ABHD12: variants seen among roughly 807,000 people sequenced by gnomAD.
The protein encoded by ABHD12 is abhydrolase domain containing 12, lysophospholipase.
A neutral mutation model predicts 58.3 loss-of-function variants in ABHD12; 43 were observed. The observed-to-expected ratio is 0.74, with a 90% confidence interval of 0.58 to 0.95. The LOEUF (loss-of-function observed/expected upper bound fraction) is 0.95. Among genes scored for constraint, ABHD12 ranks in the 40% least tolerant of loss-of-function variants. ABHD12 has a pLI of 0.00. For missense variants in ABHD12, 539 were observed against 537.2 expected, an observed-to-expected ratio of 1.00 and a Z score of -0.03; for synonymous variants, 219 against 211.2, an observed-to-expected ratio of 1.04 and a Z score of -0.32.
chr20:25,322,597 G>T (rs1336628517), intron 3 of ABHD12, among the ~76,000 whole-genome samples: 2 of 150,732 alleles, frequency 1.3e-5, no homozygotes, highest in Non-Finnish European at 3.0e-5. Flanking sequence ...GTTGTTTAGG[G>T]TGGTCTCGAA....
Position 25,314,570 on chromosome 20 carries a change from T to C in ABHD12, c.619+355A>G, listed in dbSNP as rs73345030. ...GTCGCATTCCTGCAGTCACAGCTAC[T>C]CGAGAGCCTAAGGCAGAAGGATCCC... On this transcript the variant is annotated intron_variant, in intron 6 of 12. Transcript: ENST00000339157. Among the ~76,000 whole-genome samples the C allele has an allele frequency of 6.6e-3, 994 of 151,534 alleles. 14 individuals are homozygous for C. Among genetic ancestry groups the C allele is most frequent in the African/African-American group, 0.023 (952 of 41,256 alleles).
intron 1 of ABHD12, chr20:25,368,638 T>C: frequency 2.2e-6 from 3 of 1,374,202 alleles, no homozygotes; most frequent in South Asian, 1.2e-5. Flanking sequence ...ACCAAATCCT[T>C]TCTCGCCAGT....
At chr20:25,294,851 G>A (rs1301676721) in exon 13 of ABHD12, 29 of 1,099,798 alleles carry the variant, frequency 2.6e-5, no homozygotes, top group Non-Finnish European at 2.1e-5. Flanking sequence ...GTTCTTCACC[G>A]TTGGCAAAAG....
chr20:25,388,426 A>T (rs114257891), intron 1 of ABHD12, among the ~76,000 whole-genome samples: 1,904 of 152,284 alleles, frequency 0.013, 44 homozygotes, highest in African/African-American at 0.041. Flanking sequence ...ACGAGCAAAA[A>T]TTACAATCTC....
At chr20:25,362,892 C>T (rs3002703) in intron 1 of ABHD12, among the ~76,000 whole-genome samples, 4,113 of 151,964 alleles carry the variant, frequency 0.027, 180 homozygotes, top group African/African-American at 0.09. Flanking sequence ...AGGCTACTCT[C>T]GAAGTCCCAA....
chr20:25,321,039 C>G (rs2089057113), intron 3 of ABHD12, among the ~76,000 whole-genome samples: 1 of 152,300 alleles, frequency 6.6e-6, no homozygotes, highest in South Asian at 2.1e-4. Flanking sequence ...ATACCAGTGA[C>G]AAGAATCTTT....
At chr20:25,328,532 G>A (rs981597189) in intron 2 of ABHD12, among the ~76,000 whole-genome samples, 1 of 152,202 alleles carries the variant, frequency 6.6e-6, no homozygotes, top group Non-Finnish European at 1.5e-5. Flanking sequence ...TCCGCTTCAG[G>A]CCTCACTCAG....
intron 12 of ABHD12, 59 bp downstream of exon 12, chr20:25,302,160 G>A (rs1301065802): frequency 3.9e-5 from 63 of 1,610,154 alleles, no homozygotes; most frequent in Non-Finnish European, 4.8e-5. Flanking sequence ...CCTGCTGCAC[G>A]TTAGGTGTGA....
chr20:25,334,650 G>A (rs1200014225), intron 2 of ABHD12, among the ~76,000 whole-genome samples: 108 of 151,730 alleles, frequency 7.1e-4, no homozygotes, highest in Non-Finnish European at 1.3e-3. Context: ...AAATAACACC[G>A]CATATCTGCA....
At chr20:25,354,906 C>T (rs2089647780) in intron 1 of ABHD12, among the ~76,000 whole-genome samples, 1 of 152,156 alleles carries the variant, frequency 6.6e-6, no homozygotes, top group Non-Finnish European at 1.5e-5. Context: ...TTTTACCTGA[C>T]TTTGCTTTCT....
At chr20:25,354,873 A>T (rs1235400896) in intron 1 of ABHD12, among the ~76,000 whole-genome samples, 1 of 152,110 alleles carries the variant, frequency 6.6e-6, no homozygotes, top group Non-Finnish European at 1.5e-5. Flanking sequence ...TTAGAAACCT[A>T]CCCCAATCAC....
chr20:25,360,936 G>A (rs566900911), intron 1 of ABHD12, among the ~76,000 whole-genome samples: 1 of 152,366 alleles, frequency 6.6e-6, no homozygotes, highest in Non-Finnish European at 1.5e-5. Flanking sequence ...AACCATAGAA[G>A]GTTTGGACTA....
chr20:25,390,476 G>GCCT, intron 1 of ABHD12, 37 bp downstream of exon 1: 1 of 1,031,730 alleles, frequency 9.7e-7, no homozygotes, highest in South Asian at 1.9e-5. Flanking sequence ...GTGAGGGACC[G>GCCT]GCCCCCCCCC....
At chr20:25,385,785 T>C (rs1360409842) in intron 1 of ABHD12, among the ~76,000 whole-genome samples, 1 of 152,104 alleles carries the variant, frequency 6.6e-6, no homozygotes, top group Non-Finnish European at 1.5e-5. Context: ...ATTTAAAAAA[T>C]TCTTAAGCTG....
At chr20:25,336,886 G>A (rs1455575168) in intron 2 of ABHD12, among the ~76,000 whole-genome samples, 1 of 152,172 alleles carries the variant, frequency 6.6e-6, no homozygotes, top group African/African-American at 2.4e-5. Flanking sequence ...CCAGGGGGGT[G>A]AGGCGAAAGG....
chr20:25,390,250 G>A, intron 1 of ABHD12: 2 of 359,586 alleles, frequency 5.6e-6, no homozygotes, highest in Non-Finnish European at 5.0e-6. Flanking sequence ...GGCTAGGCCA[G>A]GAGTGCCTGG....
intron 1 of ABHD12, among the ~76,000 whole-genome samples, chr20:25,361,640 A>G (rs1299666855): frequency 6.6e-6 from 1 of 152,218 alleles, no homozygotes; most frequent in Admixed American, 6.5e-5. Context: ...ATCAGTTGGT[A>G]TATTTATTTT....
rs138656819 is a variant in ABHD12, at chr20:25,336,926, G to A, written c.316+2301C>T. ...TCCAATCGCTGCTCCCAGGGACACT[G>A]TTTCTTGGTGCTAGACCTTTGGCAA... On this transcript the variant is annotated intron_variant, in intron 2 of 12. Transcript: ENST00000339157. 5.5e-3 allele frequency among the ~76,000 whole-genome samples: 839 copies of A among 152,312 alleles called. 7 individuals carry two copies. The highest frequency in any genetic ancestry group is 0.019 in the African/African-American group (797 of 41,572).
At chr20:25,346,493 C>A (rs367576715) in intron 1 of ABHD12, among the ~76,000 whole-genome samples, 15 of 152,102 alleles carry the variant, frequency 9.9e-5, no homozygotes, top group East Asian at 3.9e-4. Flanking sequence ...TGTGTCAATG[C>A]AGGTTCACTG....
Sources: gnomAD v4.1 joint callset for allele counts (sites outside exome capture counted in the v4.1 genomes callset) on GRCh38, gnomAD v4.1.1 for gene constraint, MANE v1.5 for transcripts, NCBI Gene and HGNC (gene_info 2026-07-23, HGNC 2026-07-21) for gene names.